OTUD4: variants seen among roughly 807,000 people sequenced by gnomAD.
OTUD4 encodes the protein OTU domain-containing protein 4.
In OTUD4, 24 loss-of-function variants were observed where a neutral mutation model predicts 130.4. That is an observed-to-expected ratio of 0.18 (90% CI 0.13 to 0.26). OTUD4 has a LOEUF of 0.26. Among genes scored for constraint, OTUD4 ranks in the 10% least tolerant of loss-of-function variants. OTUD4 has a pLI of 1.00. For missense variants in OTUD4, 1,031 were observed against 1,329.4 expected (o/e 0.78, Z 3.49); for synonymous variants, 420 against 472.5 (o/e 0.89, Z 1.44).
Position 145,138,209 on chromosome 4 carries a change from G to A in OTUD4, c.2566C>T (p.Pro856Ser), listed in dbSNP as rs755415226. Residue 856 changes from proline to serine, a missense_variant, in exon 21 of 21, where the codon CCT becomes TCT. Coordinates refer to ENST00000447906, the MANE Select transcript of OTUD4 (RefSeq NM_001366057.1). ...CCATACCAAACATGAGGAAAGAAAG[G>A]AGGTGCAATAGGAACTGGGCCTAAG... ...PFLGPVPIAP[P>S]FFPHVWYGYP... 41 of 1,613,864 alleles carry A rather than the reference G, an allele frequency of 2.5e-5. No homozygotes were observed. The highest frequency in any genetic ancestry group is 2.5e-4 in the Admixed American group (15 of 59,998).
intron 16 of OTUD4, 93 bp downstream of exon 16, chr4:145,143,853 T>G: frequency 7.6e-6 from 7 of 923,306 alleles, no homozygotes; most frequent in Non-Finnish European, 1.2e-5. Context: ...CTATAAAATT[T>G]CGAAATTATT....
chr4:145,161,236 C>A (rs975606328), intron 6 of OTUD4, among the ~76,000 whole-genome samples: 1 of 152,124 alleles, frequency 6.6e-6, no homozygotes, highest in African/African-American at 2.4e-5. Context: ...AGTTGCAGCC[C>A]TCGTATCACC....
At chr4:145,175,314 C>A (rs984933098) in intron 1 of OTUD4, among the ~76,000 whole-genome samples, 2 of 117,944 alleles carry the variant, frequency 1.7e-5, no homozygotes, top group East Asian at 4.6e-4. Flanking sequence ...CAAGAAAGAA[C>A]ATCCAAGTAG....
intron 14 of OTUD4, among the ~76,000 whole-genome samples, chr4:145,145,139 T>G (rs537266211): frequency 6.6e-6 from 1 of 152,292 alleles, no homozygotes; most frequent in East Asian, 1.9e-4. Context: ...GAAAGAAATT[T>G]CACCATCTGT....
chr4:145,162,489 T>C (rs1027688753), intron 6 of OTUD4, 151 bp downstream of exon 6: 4 of 413,038 alleles, frequency 9.7e-6, no homozygotes, highest in African/African-American at 2.1e-5. Flanking sequence ...GAGGCAGAGC[T>C]TGCAGTGAGC....
At position 145,137,816 on chromosome 4, in the gene OTUD4, T is replaced by G. The variant is rs1227507077; in HGVS notation, c.2959A>C (p.Ser987Arg). 1 of 1,614,044 alleles carries G rather than the reference T, an allele frequency of 6.2e-7. No individual in the cohort carries two copies. Among genetic ancestry groups the G allele is most frequent in the African/African-American group, 1.3e-5 (1 of 74,928 alleles). ...VELEPKRTIQ[S>R]LKEKTEKVKD... The stretch of plus-strand genomic sequence containing the variant: ...ACTTTTTCTGTTTTTTCTTTCAGGC[T>G]TTGAATGGTCCTTTTAGGTTCAAGT... Residue 987 changes from serine to arginine, a missense_variant, in exon 21 of 21, where the codon AGC (serine) becomes CGC (arginine). Coordinates refer to ENST00000447906, the MANE Select transcript of OTUD4 (RefSeq NM_001366057.1).
Position 145,138,138 on chromosome 4 carries a change from A to G in OTUD4, c.2637T>C (p.Asn879=). 6.2e-7 allele frequency: 1 copy of G among 1,613,826 alleles called. No homozygotes were observed. Among genetic ancestry groups the G allele is most frequent in the Non-Finnish European group, 8.5e-7 (1 of 1,179,708 alleles). The part of the protein sequence containing the change: ...GFIENPVMRQ[N]IVLPSDEKGE... ...CTTTTTCATCAGAGGGCAGGACAAT[A>G]TTCTGCCTCATTACTGGATTTTCTA... is the stretch of plus-strand genomic sequence containing the variant. Residue 879 remains asparagine (N), a synonymous_variant, in exon 21 of 21, where the codon AAT becomes AAC. Transcript: ENST00000447906.
At chr4:145,161,932 T>C (rs893663090) in intron 6 of OTUD4, among the ~76,000 whole-genome samples, 6 of 152,218 alleles carry the variant, frequency 3.9e-5, no homozygotes, top group Admixed American at 1.3e-4. Flanking sequence ...AGTCAAACTC[T>C]AGCCACAAGC....
chr4:145,175,307 G>A (rs950791190), intron 1 of OTUD4, among the ~76,000 whole-genome samples: 1 of 121,142 alleles, frequency 8.3e-6, no homozygotes, highest in Non-Finnish European at 1.9e-5. Flanking sequence ...TATAAGACAA[G>A]AAAGAACATC....
chr4:145,174,138 C>G (rs1752310291), intron 2 of OTUD4, among the ~76,000 whole-genome samples: 2 of 151,984 alleles, frequency 1.3e-5, no homozygotes, highest in Non-Finnish European at 2.9e-5. Context: ...TCAAGAGTAG[C>G]TGGGACTCAG....
intron 10 of OTUD4, among the ~76,000 whole-genome samples, 194 bp downstream of exon 10, chr4:145,155,217 A>G (rs570628179): frequency 5.9e-5 from 9 of 152,358 alleles, no homozygotes; most frequent in African/African-American, 2.2e-4. Context: ...TTTTAGATAC[A>G]TACAATTTTA....
chr4:145,173,556 C>T (rs2126808104), intron 2 of OTUD4, among the ~76,000 whole-genome samples: 1 of 152,252 alleles, frequency 6.6e-6, no homozygotes, highest in South Asian at 2.1e-4. Context: ...ACCATTCCAC[C>T]TCCCCACTTC....
chr4:145,140,037 A>AT (rs1234875778), intron 19 of OTUD4, 46 bp from the exon 20 acceptor site: 3 of 597,830 alleles, frequency 5.0e-6, no homozygotes, highest in Admixed American at 3.4e-5. Flanking sequence ...ATCTGCAGAG[A>AT]TTTTTTTAAA....
In OTUD4 at chr4:145,174,698, A is replaced by T. The variant is rs1752338274; in HGVS notation, c.206T>A (p.Ile69Asn). The T allele has an allele frequency of 6.2e-7, 1 of 1,609,992 alleles. No individual in the cohort carries two copies. The highest frequency in any genetic ancestry group is 8.5e-7 in the Non-Finnish European group (1 of 1,176,386). ...CTCTCTGTTCTCTCGAAGATAGTGAATACAGGCCATTCTGACTTCAACATG... is the reference window on the plus strand; with the variant it reads ...CTCTCTGTTCTCTCGAAGATAGTGATTACAGGCCATTCTGACTTCAACATG... ...SRHVEVRMAC[I>N]HYLRENREKF... Residue 69 changes from isoleucine (I) to asparagine (N), a missense_variant, in exon 2 of 21, where the codon ATT becomes AAT. Ile to Asn is a moderately radical substitution (Grantham distance 149, BLOSUM62 -3). Around this residue, in one of 3 missense-constraint regions of OTUD4, gnomAD observed 77 missense variants for 172.9 expected, o/e 0.45. Transcript: ENST00000447906.
intron 17 of OTUD4, among the ~76,000 whole-genome samples, chr4:145,142,882 T>C (rs1164643963): frequency 6.6e-6 from 1 of 152,228 alleles, no homozygotes; most frequent in Non-Finnish European, 1.5e-5. Flanking sequence ...AAATGTCTGC[T>C]AGAACACAGG....
chr4:145,178,239 T>C (rs1207966178), intron 1 of OTUD4: 1 of 152,208 alleles, frequency 6.6e-6, no homozygotes, highest in African/African-American at 2.4e-5. Context: ...CCACCGAGTA[T>C]CTATGGTATG....
At chr4:145,160,208 A>T (rs1417882970) in intron 6 of OTUD4, among the ~76,000 whole-genome samples, 1 of 152,206 alleles carries the variant, frequency 6.6e-6, no homozygotes, top group East Asian at 1.9e-4. Flanking sequence ...TTTCCCACTA[A>T]TTGTAACCTT....
At chr4:145,179,200 A>G (rs1283281940) in intron 1 of OTUD4, among the ~76,000 whole-genome samples, 2 of 152,228 alleles carry the variant, frequency 1.3e-5, no homozygotes, top group Non-Finnish European at 2.9e-5. Context: ...TCTGTTTAGT[A>G]TACCTACACA....
intron 10 of OTUD4, 72 bp from the exon 11 acceptor site, chr4:145,152,707 T>C (rs1245797380): frequency 1.1e-5 from 9 of 838,752 alleles, no homozygotes; most frequent in Non-Finnish European, 1.8e-5. Context: ...ACTTATCAGT[T>C]TTTTGCGGTT....
Sources: gnomAD v4.1 joint callset for allele counts (sites outside exome capture counted in the v4.1 genomes callset) on GRCh38, gnomAD v4.1.1 for gene constraint, gnomAD v4.1.1 regional missense constraint, MANE v1.5 for transcripts, NCBI Gene and HGNC (gene_info 2026-07-23, HGNC 2026-07-21) for gene names.